Variants in SOX5 observed in about 807,000 individuals in gnomAD.
SOX5 encodes SRY-box transcription factor 5.
A neutral mutation model predicts 92.0 loss-of-function variants in SOX5; 9 were observed. That is an observed-to-expected ratio of 0.10 (90% CI 0.06 to 0.17). SOX5 has a LOEUF of 0.17. SOX5 is among the 10% of genes least tolerant of loss of function. The pLI is 1.00. For missense variants in SOX5, 642 were observed against 944.5 expected (o/e 0.68, Z 4.20); for synonymous variants, 344 against 336.3 (o/e 1.02, Z -0.25).
At chr12:24,535,797 G>A (rs1162446294) in intron 1 of SOX5, among the ~76,000 whole-genome samples, 1 of 152,108 alleles carries the variant, frequency 6.6e-6, no homozygotes, top group African/African-American at 2.4e-5. Context: ...GTTCCTGATA[G>A]AACCATTCCA....
intron 1 of SOX5, among the ~76,000 whole-genome samples, chr12:23,926,336 AATAT>A (rs2139030517): frequency 6.6e-6 from 1 of 152,152 alleles, no homozygotes; most frequent in African/African-American, 2.4e-5. Context: ...CAGAGTCTGT[AATAT>A]ATGTAGTAGG....
intron 3 of SOX5, among the ~76,000 whole-genome samples, chr12:23,831,996 G>A (rs934412946): frequency 5.8e-4 from 49 of 83,950 alleles, no homozygotes; most frequent in Non-Finnish European, 9.9e-4. Context: ...AGGCACATGC[G>A]CACACTCAGG....
chr12:24,468,211 G>A (rs1437387273), intron 1 of SOX5, among the ~76,000 whole-genome samples: 1 of 152,202 alleles, frequency 6.6e-6, no homozygotes, highest in East Asian at 1.9e-4. Context: ...CTGGATTTCA[G>A]CATGGGCTCC....
chr12:23,793,591 C>T (rs999102766), intron 3 of SOX5, among the ~76,000 whole-genome samples: 1 of 152,146 alleles, frequency 6.6e-6, no homozygotes, highest in African/African-American at 2.4e-5. Context: ...TGCTGAATTG[C>T]TTGACGCAAA....
chr12:23,725,722 C>T (rs999900121), intron 6 of SOX5, among the ~76,000 whole-genome samples: 2 of 149,384 alleles, frequency 1.3e-5, no homozygotes, highest in South Asian at 2.1e-4. Context: ...AGTGTAGATA[C>T]GGAAGTCAGA....
chr12:23,592,154 G>C (rs189494098), intron 9 of SOX5, among the ~76,000 whole-genome samples: 1 of 152,206 alleles, frequency 6.6e-6, no homozygotes, highest in Admixed American at 6.5e-5. Context: ...TTGCGGTTTC[G>C]TGAAAATGTG....
chr12:23,636,167 TA>T (rs2079205095), intron 8 of SOX5, among the ~76,000 whole-genome samples: 1 of 152,200 alleles, frequency 6.6e-6, no homozygotes, highest in African/African-American at 2.4e-5. Flanking sequence ...ACAGATTTAA[TA>T]TTAAAATAAT....
intron 1 of SOX5, among the ~76,000 whole-genome samples, chr12:24,476,006 A>T (rs913749040): frequency 8.8e-6 from 1 of 113,060 alleles, no homozygotes; most frequent in Non-Finnish European, 1.9e-5. Context: ...AAAAAAAAAA[A>T]AAAAAAAAGC....
intron 11 of SOX5, among the ~76,000 whole-genome samples, chr12:23,558,528 C>G (rs1290258959): frequency 6.6e-6 from 1 of 152,212 alleles, no homozygotes; most frequent in Non-Finnish European, 1.5e-5. Context: ...GATTTCAACT[C>G]TGATATCAAG....
chr12:24,522,176 AATAG>A (rs1372533694), intron 1 of SOX5, among the ~76,000 whole-genome samples: 2 of 151,948 alleles, frequency 1.3e-5, no homozygotes, highest in East Asian at 1.9e-4. Context: ...AATGTAGAAA[AATAG>A]ATAAACTCCT....
intron 3 of SOX5, among the ~76,000 whole-genome samples, chr12:23,770,053 T>TG (rs1555330665): frequency 6.7e-6 from 1 of 150,142 alleles, no homozygotes; most frequent in African/African-American, 2.4e-5. Flanking sequence ...CCTCTGTTTT[T>TG]TTTTTTTTTT....
chr12:24,013,623 A>C (rs1246239126), intron 4 of SOX5, among the ~76,000 whole-genome samples: 2 of 152,182 alleles, frequency 1.3e-5, no homozygotes, highest in Non-Finnish European at 2.9e-5. Context: ...GGTCTGCTAT[A>C]GTGAACTAAT....
Position 24,140,501 on chromosome 12 carries a change from C to T in SOX5, c.-2+72842G>A, listed in dbSNP as rs556071187. 5.6e-4 allele frequency among the ~76,000 whole-genome samples: 86 copies of T among 152,232 alleles called. 1 individual carries two copies. In the South Asian group the frequency reaches 8.9e-3, roughly 16 times the overall value. On this transcript the variant is annotated intron_variant, in intron 4 of 4. Transcript: ENST00000446891. ...TACAGGTATTGCTTATTTCTCTGAT[C>T]TCTCTGAAGAAATTGATGCCAATGA...
intron 6 of SOX5, among the ~76,000 whole-genome samples, chr12:23,704,687 CATATATATAT>C (rs376550773): frequency 0.26 from 23,221 of 90,180 alleles, 2,714 homozygotes; most frequent in Middle Eastern, 0.38. Context: ...TATATGCATG[CATATATATAT>C]ATATATATAT....
rs750116426 is a variant in SOX5, at chr12:23,839,856, C to T, written c.481+6127G>A. Among the ~76,000 whole-genome samples, 81 of 151,540 alleles carry T rather than the reference C, an allele frequency of 5.3e-4. 1 individual carries two copies. The highest frequency in any genetic ancestry group is 3.4e-3 in the Middle Eastern group (1 of 292). ...AAAAAAAAAAAAATTACAAAAATCC[C>T]GCAGCTAACATCATACTTAATGGTG... is the stretch of plus-strand genomic sequence containing the variant. On this transcript the variant is annotated intron_variant, in intron 3 of 14. Transcript: ENST00000451604.
rs535884601 is a variant in SOX5 at position 23,779,596 on chromosome 12, C to T, written c.482-23872G>A. Among the ~76,000 whole-genome samples the T allele has an allele frequency of 6.6e-5, 10 of 151,270 alleles. No individual in the cohort carries two copies. In the South Asian group the frequency reaches 2.1e-3, roughly 32 times the overall value. On this transcript the variant is annotated intron_variant, in intron 3 of 14. Coordinates refer to ENST00000451604, the MANE Select transcript of SOX5 (RefSeq NM_006940.6). ...ATTCTGTTTAAAAACTGTTCCTAGT[C>T]CATATGACAAAACTAAATTGTTCAT...
chr12:24,373,564 T>G (rs1020550496), intron 1 of SOX5, among the ~76,000 whole-genome samples: 3 of 152,202 alleles, frequency 2.0e-5, no homozygotes, highest in Non-Finnish European at 4.4e-5. Flanking sequence ...TTAAAATTGA[T>G]ATTATTTTTG....
chr12:24,254,470 C>T (rs1167922685), intron 3 of SOX5, among the ~76,000 whole-genome samples: 1 of 151,590 alleles, frequency 6.6e-6, no homozygotes, highest in Non-Finnish European at 1.5e-5. Context: ...ACCCATGCTC[C>T]AAACACCTAT....
chr12:24,081,788 A>C, intron 4 of SOX5, among the ~76,000 whole-genome samples: 1 of 151,944 alleles, frequency 6.6e-6, no homozygotes. Context: ...CTGCAAGACA[A>C]TGCTCAACAC....
Sources: allele counts gnomAD v4.1 joint callset (sites outside exome capture counted in the v4.1 genomes callset), GRCh38; gene constraint gnomAD v4.1.1; transcripts MANE v1.5; gene names NCBI Gene and HGNC (gene_info 2026-07-23, HGNC 2026-07-21).